PCDH10: variants seen among roughly 807,000 people sequenced by gnomAD.
PCDH10 encodes protocadherin-10.
Under a neutral mutation model 74.4 loss-of-function variants are expected in PCDH10, and 15 were observed. The ratio of observed to expected loss-of-function variants is 0.20; its 90% confidence interval spans 0.13 to 0.31. The LOEUF (loss-of-function observed/expected upper bound fraction) is 0.31. PCDH10 is among the 10% of genes least tolerant of loss of function. PCDH10 has a pLI of 1.00. For missense variants in PCDH10, 1,260 were observed against 1,390.2 expected (o/e 0.91, Z 1.49); for synonymous variants, 619 against 589.8 (o/e 1.05, Z -0.72).
downstream of PCDH10, among the ~76,000 whole-genome samples, chr4:133,195,735 A>G (rs1289652868): frequency 6.6e-6 from 1 of 152,130 alleles, no homozygotes; most frequent in Non-Finnish European, 1.5e-5. Context: ...TAACATAAAA[A>G]ATAAGTAAAT....
chr4:133,189,395 A>G (rs1392616580), intron 4 of PCDH10, among the ~76,000 whole-genome samples: 1 of 152,132 alleles, frequency 6.6e-6, no homozygotes, highest in East Asian at 1.9e-4. Context: ...ATTATTTATC[A>G]TTACAAATAA....
chr4:133,169,071 A>G (rs1172009436), intron 4 of PCDH10, among the ~76,000 whole-genome samples: 8 of 151,698 alleles, frequency 5.3e-5, no homozygotes, highest in Admixed American at 5.3e-4. Context: ...TTCATATCCT[A>G]AGGCAGAGTT....
At chr4:133,172,670 G>T (rs977588650) in intron 4 of PCDH10, among the ~76,000 whole-genome samples, 1 of 151,874 alleles carries the variant, frequency 6.6e-6, no homozygotes, top group Non-Finnish European at 1.5e-5. Flanking sequence ...TTTTTCTGGG[G>T]TTTCAACTTT....
downstream of PCDH10, among the ~76,000 whole-genome samples, chr4:133,195,088 C>T (rs780358783): frequency 2.0e-5 from 3 of 151,784 alleles, no homozygotes; most frequent in Non-Finnish European, 2.9e-5. Context: ...AAATAAAATC[C>T]GTATGGGTAT....
intron 4 of PCDH10, among the ~76,000 whole-genome samples, chr4:133,183,857 A>G (rs868725472): frequency 2.0e-5 from 3 of 152,294 alleles, no homozygotes; most frequent in Middle Eastern, 3.4e-3. Context: ...CTATGAGACA[A>G]TTATTATGCT....
downstream of PCDH10, among the ~76,000 whole-genome samples, chr4:133,198,831 T>C (rs537824658): frequency 6.6e-6 from 1 of 152,326 alleles, no homozygotes; most frequent in African/African-American, 2.4e-5. Flanking sequence ...TGAAAAGGTA[T>C]ATTAGGTGAT....
At chr4:133,167,894 A>G (rs904974036) in intron 4 of PCDH10, among the ~76,000 whole-genome samples, 1 of 151,410 alleles carries the variant, frequency 6.6e-6, no homozygotes, top group East Asian at 1.9e-4. Context: ...CTTCAACTCC[A>G]TGAATAGGAA....
chr4:133,180,224 C>T (rs1207568212), intron 4 of PCDH10, among the ~76,000 whole-genome samples: 5 of 151,938 alleles, frequency 3.3e-5, no homozygotes, highest in African/African-American at 9.7e-5. Context: ...AAAACGTATA[C>T]GTAAACACTA....
In PCDH10 at chr4:133,151,045, G is replaced by C. The variant is rs1176501665; in HGVS notation, c.905G>C (p.Gly302Ala). ...TCGCCCCGGGCGCGGGAGCTTTTCG[G>C]ACTCTCGCCGCGCACTGGCAGACTG... ...HISPRARELF[G>A]LSPRTGRLEV... Residue 302 changes from glycine to alanine, a missense_variant, in exon 1 of 5, where the codon GGA (glycine) becomes GCA (alanine). Gly to Ala is a moderately conservative substitution (Grantham distance 60). Transcript: ENST00000264360. 1 of 1,613,820 alleles carries C rather than the reference G, an allele frequency of 6.2e-7. No homozygotes were observed. Among genetic ancestry groups the C allele is most frequent in the African/African-American group, 1.3e-5 (1 of 74,936 alleles).
chr4:133,205,424 C>T (rs1485303603), intron 2 of PCDH10, among the ~76,000 whole-genome samples: 2 of 152,126 alleles, frequency 1.3e-5, no homozygotes, highest in African/African-American at 4.8e-5. Context: ...CAGGATCCCC[C>T]AGCTCCTTTG....
intron 2 of PCDH10, among the ~76,000 whole-genome samples, chr4:133,205,921 A>G (rs1014927870): frequency 2.8e-4 from 42 of 152,088 alleles, no homozygotes; most frequent in African/African-American, 1.0e-3. Flanking sequence ...TTTTTTCCGA[A>G]TAGTGTCTCC....
Position 133,151,232 on chromosome 4 carries a change from G to A in PCDH10, c.1092G>A (p.Lys364=), listed in dbSNP as rs1334324935. The change falls in exon 1 of 5, where the codon AAG becomes AAA. Residue 364 remains lysine, a synonymous_variant. Transcript: ENST00000264360. The stretch of plus-strand genomic sequence containing the variant: ...CAGAGATCAGCTTCAGCACCGTGAA[G>A]GAAGCGGTGAGTGAGGGCGCGGCGC... ...NAPEISFSTV[K]EAVSEGAAPG... 6.2e-7 allele frequency: 1 copy of A among 1,614,020 alleles called. No individual in the cohort carries two copies. Among genetic ancestry groups the A allele is most frequent in the South Asian group, 1.1e-5 (1 of 91,076 alleles).
At chr4:133,199,790 T>TTAG (rs1727866664) in intron 2 of PCDH10, among the ~76,000 whole-genome samples, 1 of 127,770 alleles carries the variant, frequency 7.8e-6, no homozygotes, top group African/African-American at 3.1e-5. Flanking sequence ...ATTATTACTA[T>TTAG]TATTATTATT....
At chr4:133,188,723 G>C (rs1256561920) in intron 4 of PCDH10, among the ~76,000 whole-genome samples, 2 of 138,504 alleles carry the variant, frequency 1.4e-5, no homozygotes, top group African/African-American at 5.6e-5. Context: ...TCACAGGCTG[G>C]AGTGCAATGG....
intron 4 of PCDH10, among the ~76,000 whole-genome samples, chr4:133,164,570 A>G (rs1041653318): frequency 4.6e-5 from 7 of 151,906 alleles, no homozygotes; most frequent in African/African-American, 1.4e-4. Flanking sequence ...TGCTTTTACC[A>G]TATAATAACA....
At chr4:133,180,372 T>C (rs1230466959) in intron 4 of PCDH10, among the ~76,000 whole-genome samples, 1 of 152,050 alleles carries the variant, frequency 6.6e-6, no homozygotes, top group East Asian at 1.9e-4. Flanking sequence ...TCCTTCAGGT[T>C]TCTGAAGTTT....
intron 3 of PCDH10, among the ~76,000 whole-genome samples, chr4:133,162,228 C>A (rs903657807): frequency 1.3e-5 from 2 of 152,120 alleles, no homozygotes; most frequent in Non-Finnish European, 2.9e-5. Context: ...ATTTACACTG[C>A]ATTTGGTTAC....
chr4:133,170,215 A>G (rs1462334163), intron 4 of PCDH10, among the ~76,000 whole-genome samples: 1 of 152,108 alleles, frequency 6.6e-6, no homozygotes, highest in Non-Finnish European at 1.5e-5. Context: ...TATAACTCGT[A>G]CCTTATATAG....
intron 2 of PCDH10, among the ~76,000 whole-genome samples, chr4:133,200,291 T>C (rs1380101354): frequency 6.6e-6 from 1 of 151,990 alleles, no homozygotes; most frequent in Non-Finnish European, 1.5e-5. Context: ...TATATAACTT[T>C]GGCTAGTATA....
Sources: allele counts gnomAD v4.1 joint callset (sites outside exome capture counted in the v4.1 genomes callset), GRCh38; gene constraint gnomAD v4.1.1; transcripts MANE v1.5; gene names NCBI Gene and HGNC (gene_info 2026-07-23, HGNC 2026-07-21).